NELL1: variants seen among roughly 807,000 people sequenced by gnomAD.
The protein encoded by NELL1 is neural EGFL like 1.
Under a neutral mutation model 107.4 loss-of-function variants are expected in NELL1, and 76 were observed. That is an observed-to-expected ratio of 0.71 (90% CI 0.59 to 0.86). NELL1 has a LOEUF of 0.86. Ranked by LOEUF, NELL1 falls within the 40% of genes least tolerant of loss-of-function variation. The pLI is 0.00. For missense variants in NELL1, 1,024 were observed against 1,005.5 expected (o/e 1.02, Z -0.25); for synonymous variants, 353 against 341.2 (o/e 1.03, Z -0.38).
chr11:21,159,701 T>A (rs1169983984), intron 13 of NELL1, among the ~76,000 whole-genome samples: 1 of 152,234 alleles, frequency 6.6e-6, no homozygotes, highest in Non-Finnish European at 1.5e-5. Flanking sequence ...CTCTTTGGAA[T>A]CTACACTGCA....
intron 13 of NELL1, among the ~76,000 whole-genome samples, chr11:21,120,858 A>C (rs1286273503): frequency 1.3e-5 from 2 of 152,134 alleles, no homozygotes; most frequent in African/African-American, 4.8e-5. Flanking sequence ...TTTCATTTGT[A>C]TGGCTGGAAT....
chr11:21,434,630 C>G (rs1360845564), intron 15 of NELL1, among the ~76,000 whole-genome samples: 1 of 152,080 alleles, frequency 6.6e-6, no homozygotes, highest in South Asian at 2.1e-4. Context: ...AGTGTGATGC[C>G]TCCAACTTTG....
chr11:20,722,651 A>C (rs999242036), intron 2 of NELL1, among the ~76,000 whole-genome samples: 1 of 152,180 alleles, frequency 6.6e-6, no homozygotes, highest in African/African-American at 2.4e-5. Flanking sequence ...AATATGAGAC[A>C]ATCATTTTCT....
intron 2 of NELL1, among the ~76,000 whole-genome samples, chr11:20,679,030 C>A (rs145437901): frequency 2.0e-5 from 3 of 152,134 alleles, no homozygotes; most frequent in African/African-American, 7.2e-5. Flanking sequence ...AAAAGACTTT[C>A]GCATGGCGGA....
chr11:20,794,796 T>G (rs1857139400), intron 3 of NELL1, among the ~76,000 whole-genome samples: 1 of 152,132 alleles, frequency 6.6e-6, no homozygotes, highest in African/African-American at 2.4e-5. Context: ...CACCCCCAGT[T>G]CGGTGATTAA....
intron 14 of NELL1, among the ~76,000 whole-genome samples, chr11:21,340,081 C>CT (rs1850525665): frequency 6.6e-6 from 1 of 152,220 alleles, no homozygotes; most frequent in African/African-American, 2.4e-5. Flanking sequence ...ACCATTGCTA[C>CT]TTTCTTGGAA....
intron 4 of NELL1, among the ~76,000 whole-genome samples, chr11:20,878,353 C>T (rs768028286): frequency 8.8e-5 from 2 of 22,666 alleles, no homozygotes; most frequent in African/African-American, 1.5e-4. Context: ...AGAGAGACCC[C>T]GTCTCAAAAA....
At chr11:20,716,488 C>T (rs1855253212) in intron 2 of NELL1, among the ~76,000 whole-genome samples, 1 of 152,202 alleles carries the variant, frequency 6.6e-6, no homozygotes. Context: ...CCTCCTGGTT[C>T]CTTTCCTTTA....
rs201691549 is a variant in NELL1, at chr11:21,220,615, G to GT, written c.1427-8709dup. On this transcript the variant is annotated intron_variant, in intron 13 of 19. Coordinates refer to ENST00000357134, the MANE Select transcript of NELL1 (RefSeq NM_006157.5). Reference sequence around the variant, plus strand: ...TCCTTGGTTAAATTTATTCCTAGGTGTTTTTTTTGTAGCTATTGTAAATGC... The same window carrying GT: ...TCCTTGGTTAAATTTATTCCTAGGTGTTTTTTTTTGTAGCTATTGTAAATGC... Among the ~76,000 whole-genome samples the GT allele has an allele frequency of 5.7e-3, 864 of 151,566 alleles. 5 individuals carry two copies. Among genetic ancestry groups the GT allele is most frequent in the Non-Finnish European group, 8.3e-3 (561 of 67,816 alleles).
intron 12 of NELL1, among the ~76,000 whole-genome samples, chr11:21,112,561 A>ACTTCT (rs2133727036): frequency 6.6e-6 from 1 of 152,144 alleles, no homozygotes; most frequent in African/African-American, 2.4e-5. Flanking sequence ...CAGATATTTA[A>ACTTCT]CTTCTCTAAG....
chr11:21,441,971 C>A (rs1217771806), intron 15 of NELL1, among the ~76,000 whole-genome samples: 1 of 151,744 alleles, frequency 6.6e-6, no homozygotes, highest in Non-Finnish European at 1.5e-5. Context: ...AGCAAAATAA[C>A]TTAATCAAAA....
chr11:20,789,312 C>T (rs979695851), intron 3 of NELL1, among the ~76,000 whole-genome samples: 23 of 152,190 alleles, frequency 1.5e-4, no homozygotes, highest in Admixed American at 7.8e-4. Context: ...TCAGATACAC[C>T]GGCTGCTGCC....
At chr11:21,027,162 C>G (rs965679944) in intron 12 of NELL1, among the ~76,000 whole-genome samples, 7 of 152,100 alleles carry the variant, frequency 4.6e-5, no homozygotes, top group African/African-American at 1.7e-4. Flanking sequence ...GTGCTAAACA[C>G]TTTGTTCTAG....
At chr11:20,842,661 C>A (rs1848641186) in intron 3 of NELL1, among the ~76,000 whole-genome samples, 1 of 152,128 alleles carries the variant, frequency 6.6e-6, no homozygotes, top group South Asian at 2.1e-4. Flanking sequence ...CAAAGTTGGG[C>A]AAGTTATTTA....
At chr11:21,341,875 A>G (rs1027014587) in intron 14 of NELL1, among the ~76,000 whole-genome samples, 1 of 152,218 alleles carries the variant, frequency 6.6e-6, no homozygotes, top group Non-Finnish European at 1.5e-5. Flanking sequence ...GAAGAAATCA[A>G]TTGAGATCTC....
intron 19 of NELL1, among the ~76,000 whole-genome samples, chr11:21,573,842 A>G (rs943284193): frequency 6.6e-6 from 1 of 151,826 alleles, no homozygotes; most frequent in African/African-American, 2.4e-5. Flanking sequence ...AAAAGTTTCT[A>G]AGTTCTTTTA....
At chr11:21,435,793 T>C (rs922462541) in intron 15 of NELL1, among the ~76,000 whole-genome samples, 1 of 150,658 alleles carries the variant, frequency 6.6e-6, no homozygotes, top group African/African-American at 2.5e-5. Context: ...TGTGTGTGTG[T>C]GTTTGTGTGT....
chr11:20,718,449 G>A (rs1371207236), intron 2 of NELL1, among the ~76,000 whole-genome samples: 2 of 119,968 alleles, frequency 1.7e-5, no homozygotes, highest in Non-Finnish European at 3.4e-5. Flanking sequence ...TTAGGGTCAG[G>A]GTTTATTTAT....
chr11:21,073,121 T>C (rs1854054933), intron 12 of NELL1, among the ~76,000 whole-genome samples: 2 of 152,156 alleles, frequency 1.3e-5, no homozygotes, highest in African/African-American at 4.8e-5. Flanking sequence ...ATAGAGCCTC[T>C]CAAAACCTGG....
Sources: allele counts gnomAD v4.1 joint callset (sites outside exome capture counted in the v4.1 genomes callset), GRCh38; gene constraint gnomAD v4.1.1; transcripts MANE v1.5; gene names NCBI Gene and HGNC (gene_info 2026-07-23, HGNC 2026-07-21).